The following NRXN3 variants were observed in gnomAD, a reference collection of about 807,000 sequenced individuals.
NRXN3 encodes the protein neurexin 3.
A neutral mutation model predicts 137.6 loss-of-function variants in NRXN3; 32 were observed. The observed-to-expected ratio is 0.23, with a 90% confidence interval of 0.18 to 0.31. The LOEUF is 0.31. Ranked by LOEUF, NRXN3 falls within the 10% of genes least tolerant of loss-of-function variation. NRXN3 has a pLI of 1.00. For missense variants in NRXN3, 1,574 were observed against 2,062.5 expected (o/e 0.76, Z 4.59); for synonymous variants, 798 against 784.5 (o/e 1.02, Z -0.29).
In NRXN3 at chr14:79,442,128, T is replaced by C. The variant is rs143921395; in HGVS notation, c.3263-25093T>C. 2.7e-3 allele frequency among the ~76,000 whole-genome samples: 413 copies of C among 152,288 alleles called. 3 individuals are homozygous for C. Among genetic ancestry groups the C allele is most frequent in the African/African-American group, 9.6e-3 (397 of 41,564 alleles). Reference sequence around the variant, plus strand: ...TACCAGTTAAGGATTCCTTGTGTAATGACAGAACAAGGAGAAGACAGCAAA... The same window carrying C: ...TACCAGTTAAGGATTCCTTGTGTAACGACAGAACAAGGAGAAGACAGCAAA... On this transcript the variant is annotated intron_variant, in intron 15 of 20. Transcript: ENST00000335750.
chr14:78,487,742 CATAAATAAATAAATAAATAAATAAATAA>C (rs10601165), intron 4 of NRXN3, among the ~76,000 whole-genome samples: 23 of 141,318 alleles, frequency 1.6e-4, no homozygotes, highest in Non-Finnish European at 2.9e-4. Flanking sequence ...AACTCCATCT[CATAAATAAATAAATAAATAAATAAATAA>C]ATAAATAAAT....
intron 15 of NRXN3, among the ~76,000 whole-genome samples, chr14:79,042,020 G>A (rs1255540948): frequency 1.3e-5 from 2 of 152,322 alleles, no homozygotes; most frequent in Non-Finnish European, 2.9e-5. Flanking sequence ...AAAAAGCAAA[G>A]TGGAGAAACA....
intron 17 of NRXN3, among the ~76,000 whole-genome samples, chr14:79,677,647 G>A (rs768259167): frequency 3.4e-4 from 51 of 152,228 alleles, no homozygotes; most frequent in African/African-American, 9.4e-4. Flanking sequence ...ACTTTCCCCC[G>A]CTATGACCTC....
At chr14:78,470,799 T>C (rs571362475) in intron 4 of NRXN3, among the ~76,000 whole-genome samples, 3 of 152,308 alleles carry the variant, frequency 2.0e-5, no homozygotes, top group South Asian at 4.1e-4. Context: ...CTTTACAGTA[T>C]AAAAAATCCT....
At chr14:78,982,260 C>A (rs756387672) in intron 14 of NRXN3, among the ~76,000 whole-genome samples, 69 of 151,964 alleles carry the variant, frequency 4.5e-4, no homozygotes, top group Non-Finnish European at 6.8e-4. Context: ...TTATTTAGTT[C>A]TTTCTTTTAT....
intron 16 of NRXN3, among the ~76,000 whole-genome samples, chr14:79,528,127 C>T (rs947201062): frequency 6.6e-6 from 1 of 152,074 alleles, no homozygotes; most frequent in Non-Finnish European, 1.5e-5. Flanking sequence ...TGGAAATAGT[C>T]ATGAAAGTAG....
chr14:78,182,838 CA>C (rs2059928041), intron 1 of NRXN3, among the ~76,000 whole-genome samples: 1 of 151,608 alleles, frequency 6.6e-6, no homozygotes, highest in Non-Finnish European at 1.5e-5. Flanking sequence ...CCTTTTTTTG[CA>C]GGTGAGAAAA....
intron 19 of NRXN3, 70 bp from the exon 20 acceptor site, chr14:79,805,042 C>A (rs2099198617): frequency 1.9e-6 from 2 of 1,057,932 alleles, no homozygotes; most frequent in Non-Finnish European, 2.9e-6. Flanking sequence ...TGTCTTTGTT[C>A]ATTAGTTTCC....
intron 10 of NRXN3, among the ~76,000 whole-genome samples, chr14:78,874,332 G>A (rs533940597): frequency 6.6e-6 from 1 of 152,254 alleles, no homozygotes. Flanking sequence ...TTGTTTAAAT[G>A]TAGATTCTTC....
rs1044102429 is a variant in NRXN3, at chr14:78,653,363, C to T, written c.1221+2037C>T. ...TCACACTACATTGGAATTGCACTCT[C>T]ATCAGAAAAAGACTGCAACATTCTT... On this transcript the variant is annotated intron_variant, in intron 6 of 20. Transcript: ENST00000335750. 1.1e-4 allele frequency among the ~76,000 whole-genome samples: 17 copies of T among 152,278 alleles called. No homozygotes were observed. The South Asian group carries it at 1.7e-3, about 15-fold the overall frequency.
At chr14:79,580,827 T>C (rs1161227053) in intron 16 of NRXN3, among the ~76,000 whole-genome samples, 1 of 152,068 alleles carries the variant, frequency 6.6e-6, no homozygotes, top group Non-Finnish European at 1.5e-5. Context: ...TTTTAGCATA[T>C]GGACAGAAGG....
chr14:79,259,709 T>TACACACACACACACACAC (rs71131688), intron 15 of NRXN3, among the ~76,000 whole-genome samples: 5 of 139,746 alleles, frequency 3.6e-5, no homozygotes, highest in Non-Finnish European at 7.7e-5. Flanking sequence ...TATAGTTTTA[T>TACACACACACACACACAC]ACACACACAC....
At chr14:78,622,352 C>T (rs11625950) in intron 4 of NRXN3, among the ~76,000 whole-genome samples, 47,391 of 152,076 alleles carry the variant, frequency 0.31, 7,788 homozygotes, top group African/African-American at 0.38. Context: ...CACAGATCTT[C>T]TGTTCTGTGA....
At chr14:78,532,251 GC>G (rs1412358619) in intron 4 of NRXN3, among the ~76,000 whole-genome samples, 1 of 151,666 alleles carries the variant, frequency 6.6e-6, no homozygotes, top group Non-Finnish European at 1.5e-5. Context: ...AACCCAGGAG[GC>G]GGAAGTTCTG....
chr14:79,427,152 A>G (rs191207544), intron 15 of NRXN3, among the ~76,000 whole-genome samples: 1 of 152,236 alleles, frequency 6.6e-6, no homozygotes, highest in African/African-American at 2.4e-5. Context: ...GCGTGTTTCA[A>G]CTAACAGGAG....
At chr14:78,471,721 G>T (rs896442577) in intron 4 of NRXN3, among the ~76,000 whole-genome samples, 1 of 152,116 alleles carries the variant, frequency 6.6e-6, no homozygotes, top group Non-Finnish European at 1.5e-5. Context: ...CGATACCATT[G>T]GTCTAGGCAT....
intron 15 of NRXN3, among the ~76,000 whole-genome samples, chr14:79,346,097 C>T (rs1179258246): frequency 6.6e-6 from 1 of 152,102 alleles, no homozygotes; most frequent in South Asian, 2.1e-4. Context: ...TTTATCCTAC[C>T]TATGGCAACC....
In NRXN3 at chr14:79,609,408, A is replaced by T. The variant is rs1045891482; in HGVS notation, c.3445-54370A>T. ...TATCAAAAACTTCTGGAGTCTGTTG[A>T]GTAGAAGTTTGGAGAATAAACAAAT... On this transcript the variant is annotated intron_variant, in intron 16 of 20. Coordinates refer to ENST00000335750, the MANE Select transcript of NRXN3 (RefSeq NM_001330195.2). 4.6e-5 allele frequency among the ~76,000 whole-genome samples: 7 copies of T among 152,350 alleles called. No homozygotes were observed. In the South Asian group the frequency reaches 6.2e-4, roughly 14 times the overall value.
chr14:78,348,063 A>G (rs1326258082), intron 4 of NRXN3, among the ~76,000 whole-genome samples: 1 of 152,046 alleles, frequency 6.6e-6, no homozygotes, highest in African/African-American at 2.4e-5. Flanking sequence ...TAACTGAATC[A>G]CTCTAGGAAA....
Sources: allele counts gnomAD v4.1 joint callset (sites outside exome capture counted in the v4.1 genomes callset), GRCh38; gene constraint gnomAD v4.1.1; transcripts MANE v1.5; gene names NCBI Gene and HGNC (gene_info 2026-07-23, HGNC 2026-07-21).